The following COL23A1 variants were observed in gnomAD, a reference collection of about 807,000 sequenced individuals.
COL23A1 encodes collagen alpha-1(XXIII) chain.
COL23A1 carries 97 observed loss-of-function variants against 99.3 expected under a neutral mutation model. That is an observed-to-expected ratio of 0.98 (90% CI 0.83 to 1.16). COL23A1 has a LOEUF of 1.16. Among genes scored for constraint, COL23A1 ranks in the 50% most tolerant of loss-of-function variants. The pLI is 0.00. For missense variants in COL23A1, 762 were observed against 757.4 expected (o/e 1.01, Z -0.07); for synonymous variants, 320 against 308.2 (o/e 1.04, Z -0.40).
chr5:178,453,938 G>A (rs1273406238), intron 2 of COL23A1, among the ~76,000 whole-genome samples: 1 of 152,110 alleles, frequency 6.6e-6, no homozygotes. Context: ...TTTGGTCTAG[G>A]AGCAGGGGTA....
chr5:178,270,203 G>A, intron 6 of COL23A1, 134 bp downstream of exon 6: 1 of 1,018,120 alleles, frequency 9.8e-7, no homozygotes, highest in Non-Finnish European at 1.5e-6. Flanking sequence ...ACTCAAGTCT[G>A]ACACCCAAAA....
intron 1 of COL23A1, among the ~76,000 whole-genome samples, chr5:178,583,472 T>G (rs1763764130): frequency 6.6e-6 from 1 of 152,238 alleles, no homozygotes; most frequent in African/African-American, 2.4e-5. Flanking sequence ...CCAGTGGGGT[T>G]GATCGTGCAC....
At chr5:178,304,423 T>A (rs1581118092) in intron 3 of COL23A1, among the ~76,000 whole-genome samples, 1 of 142,612 alleles carries the variant, frequency 7.0e-6, no homozygotes, top group East Asian at 2.1e-4. Context: ...GACATGAGAA[T>A]CGCTTGAATC....
At chr5:178,526,805 C>T (rs1760336801) in intron 2 of COL23A1, among the ~76,000 whole-genome samples, 1 of 152,216 alleles carries the variant, frequency 6.6e-6, no homozygotes, top group South Asian at 2.1e-4. Flanking sequence ...CTCTGCTATC[C>T]AGACATGGGG....
At chr5:178,347,513 A>T (rs2913800) in intron 2 of COL23A1, among the ~76,000 whole-genome samples, 88,457 of 150,532 alleles carry the variant, frequency 0.59, 26,440 homozygotes, top group East Asian at 0.8. Context: ...ACGGCTGCAC[A>T]GTGTGTGAAT....
chr5:178,263,967 T>C (rs1765772583), intron 8 of COL23A1, among the ~76,000 whole-genome samples: 1 of 152,148 alleles, frequency 6.6e-6, no homozygotes, highest in South Asian at 2.1e-4. Context: ...CAAAGCTTAA[T>C]ACTGTGTGGC....
intron 2 of COL23A1, among the ~76,000 whole-genome samples, chr5:178,332,012 T>C (rs1581168184): frequency 6.6e-6 from 1 of 152,130 alleles, no homozygotes; most frequent in Non-Finnish European, 1.5e-5. Context: ...GCTGGGAGAC[T>C]GGGGGTGACC....
At chr5:178,347,238 G>A (rs1345048790) in intron 2 of COL23A1, among the ~76,000 whole-genome samples, 4 of 152,320 alleles carry the variant, frequency 2.6e-5, no homozygotes, top group Admixed American at 6.5e-5. Context: ...CAGTGTGACC[G>A]AAGGACTGGA....
chr5:178,515,855 C>G (rs963111501), intron 2 of COL23A1, among the ~76,000 whole-genome samples: 5 of 152,154 alleles, frequency 3.3e-5, no homozygotes, highest in African/African-American at 1.2e-4. Context: ...CCCCCAGTAA[C>G]GCACCAAGTG....
At chr5:178,417,511 G>T (rs1765376457) in intron 2 of COL23A1, among the ~76,000 whole-genome samples, 1 of 152,120 alleles carries the variant, frequency 6.6e-6, no homozygotes, top group South Asian at 2.1e-4. Flanking sequence ...TCTCCCTCTG[G>T]GAGAAAACCA....
At chr5:178,513,073 G>A (rs1004256127) in intron 2 of COL23A1, among the ~76,000 whole-genome samples, 7 of 152,202 alleles carry the variant, frequency 4.6e-5, no homozygotes, top group Non-Finnish European at 1.0e-4. Context: ...GGAACAGCAT[G>A]CATGAGAGAG....
Position 178,468,551 on chromosome 5 carries a change from C to G in COL23A1, c.361+92131G>C, listed in dbSNP as rs1314711537. On this transcript the variant is annotated intron_variant, in intron 2 of 28. Transcript: ENST00000390654. The surrounding 1 kb of genome is among the most constrained non-coding windows in gnomAD (Gnocchi z 4.2). ...CTCACACCCAGGCCTCACCCGGCCC[C>G]GTCCCTCTGAGCTGACCTCAGGCTG... Among the ~76,000 whole-genome samples, 1 of 152,120 alleles carries G rather than the reference C, an allele frequency of 6.6e-6. No homozygotes were observed. The highest frequency in any genetic ancestry group is 2.4e-5 in the African/African-American group (1 of 41,436).
chr5:178,493,786 C>T lies in COL23A1; in HGVS notation c.361+66896G>A, dbSNP rs374067063. On this transcript the variant is annotated intron_variant, in intron 2 of 28. Transcript: ENST00000390654. ...TCCAAAGCAAAGCTGCCGAACCCCT[C>T]GGGGACCATCTTCCTGGGCTGATGC... Among the ~76,000 whole-genome samples, 94 of 152,352 alleles carry T rather than the reference C, an allele frequency of 6.2e-4. No individual in the cohort carries two copies. The Middle Eastern group carries it at 0.01, about 17-fold the overall frequency.
chr5:178,560,513 C>A (rs1762501737), intron 2 of COL23A1, among the ~76,000 whole-genome samples, 169 bp downstream of exon 2: 1 of 152,180 alleles, frequency 6.6e-6, no homozygotes, highest in Non-Finnish European at 1.5e-5. Context: ...TTGCTGGAAA[C>A]CGACCAGAGA....
intron 2 of COL23A1, among the ~76,000 whole-genome samples, chr5:178,327,742 G>C (rs1368394736): frequency 1.3e-5 from 2 of 152,104 alleles, no homozygotes; most frequent in African/African-American, 4.8e-5. Context: ...TGGCCCTCAG[G>C]ACAGCACCAA....
At chr5:178,505,375 G>A (rs1319023909) in intron 2 of COL23A1, among the ~76,000 whole-genome samples, 1 of 151,916 alleles carries the variant, frequency 6.6e-6, no homozygotes, top group East Asian at 1.9e-4. Flanking sequence ...TCAGCCTTCT[G>A]AGTACCTGGG....
intron 3 of COL23A1, among the ~76,000 whole-genome samples, chr5:178,295,712 T>C (rs1209241149): frequency 1.3e-5 from 2 of 152,234 alleles, no homozygotes; most frequent in Non-Finnish European, 1.5e-5. Context: ...ATAGTAAAAG[T>C]ATTAGAAATG....
At chr5:178,262,001 C>T (rs1765650081) in intron 10 of COL23A1, among the ~76,000 whole-genome samples, 1 of 152,242 alleles carries the variant, frequency 6.6e-6, no homozygotes, top group Admixed American at 6.5e-5. Context: ...ACTGGAATCC[C>T]CCTGGCTGGT....
intron 6 of COL23A1, 96 bp from the exon 7 acceptor site, chr5:178,268,852 G>A (rs553536618): frequency 4.5e-5 from 58 of 1,292,128 alleles, no homozygotes; most frequent in Admixed American, 2.6e-4. Context: ...AGAAGGGCCC[G>A]TGATGCTGGG....
Sources: allele counts gnomAD v4.1 joint callset (sites outside exome capture counted in the v4.1 genomes callset), GRCh38; gene constraint gnomAD v4.1.1; non-coding constraint Gnocchi (gnomAD v3.1); transcripts MANE v1.5; gene names NCBI Gene and HGNC (gene_info 2026-07-23, HGNC 2026-07-21).